Variants in MAN2A1 observed in about 807,000 individuals in gnomAD.
The protein encoded by MAN2A1 is mannosidase alpha class 2A member 1.
A neutral mutation model predicts 142.6 loss-of-function variants in MAN2A1; 76 were observed. The ratio of observed to expected loss-of-function variants is 0.53; its 90% confidence interval spans 0.44 to 0.65. MAN2A1 has a LOEUF of 0.65. Ranked by LOEUF, MAN2A1 falls within the 30% of genes least tolerant of loss-of-function variation. The probability of loss-of-function intolerance (pLI) is 0.00; values close to 1 mark genes in which losing one functional copy is unlikely to be tolerated. For missense variants in MAN2A1, 1,311 were observed against 1,365.1 expected, an observed-to-expected ratio of 0.96 and a Z score of 0.62; for synonymous variants, 559 against 473.2, an observed-to-expected ratio of 1.18 and a Z score of -2.35.
chr5:109,693,002 G>C (rs1184090085), intron 1 of MAN2A1, among the ~76,000 whole-genome samples: 2 of 152,166 alleles, frequency 1.3e-5, no homozygotes, highest in Non-Finnish European at 2.9e-5. Context: ...TTGCTGACCT[G>C]CTATGCCACT....
At chr5:109,743,202 T>TA (rs1752316795) in intron 4 of MAN2A1, among the ~76,000 whole-genome samples, 1 of 152,182 alleles carries the variant, frequency 6.6e-6, no homozygotes, top group Non-Finnish European at 1.5e-5. Flanking sequence ...CTCTTCTGCT[T>TA]ACTTCCCCAA....
At chr5:109,833,504 C>G (rs1318011538) in intron 16 of MAN2A1, among the ~76,000 whole-genome samples, 1 of 152,082 alleles carries the variant, frequency 6.6e-6, no homozygotes, top group Admixed American at 6.5e-5. Context: ...CCCGTCTCCA[C>G]CAAAAAAATC....
chr5:109,868,071 A>AT lies in MAN2A1; in HGVS notation c.*1074dup, dbSNP rs1755928221. ...TCAGAAAACAAAACAAGGAAGGAAA[A>AT]TATTGTTAATTAAAATGTGCTGCTG... On this transcript the variant is annotated 3_prime_UTR_variant, in exon 22 of 22. Coordinates refer to ENST00000261483, the MANE Select transcript of MAN2A1 (RefSeq NM_002372.4). The AT allele has an allele frequency of 6.6e-6, 1 of 152,198 alleles. No individual in the cohort carries two copies. The highest frequency in any genetic ancestry group is 1.5e-5 in the Non-Finnish European group (1 of 68,028). 9.4% of individuals were successfully genotyped at this position (152,198 alleles called of 1,614,324 possible).
chr5:109,714,323 A>G (rs961897219), intron 2 of MAN2A1, among the ~76,000 whole-genome samples: 5 of 152,188 alleles, frequency 3.3e-5, no homozygotes, highest in Admixed American at 6.5e-5. Context: ...CTGTAAGTGT[A>G]ATGTACACAC....
chr5:109,741,919 TCA>T (rs1752279135), intron 4 of MAN2A1, among the ~76,000 whole-genome samples: 1 of 152,250 alleles, frequency 6.6e-6, no homozygotes, highest in Admixed American at 6.5e-5. Flanking sequence ...CATTAAATAA[TCA>T]GTGTATTGTT....
intron 16 of MAN2A1, among the ~76,000 whole-genome samples, chr5:109,838,260 A>G (rs1006600060): frequency 1.3e-5 from 2 of 152,104 alleles, no homozygotes; most frequent in African/African-American, 2.4e-5. Flanking sequence ...CAAGGGGGAG[A>G]GAATTAGCAG....
chr5:109,842,453 G>A lies in MAN2A1; in HGVS notation c.2692G>A (p.Gly898Arg). Reference protein sequence around the residue: ...SQNRFYTDLNGYQIQPRMTLS... With the variant: ...SQNRFYTDLNRYQIQPRMTLS... ...AAATAGATTTTATACTGACCTAAAT[G>A]GGTACCAGGTAATTTTTCCTTTAAA... Residue 898 changes from glycine to arginine, a missense_variant, in exon 17 of 22, where the codon GGG becomes AGG. By Grantham distance (125) the Gly-to-Arg change is moderately radical. Coordinates refer to ENST00000261483, the MANE Select transcript of MAN2A1 (RefSeq NM_002372.4). 1 of 1,551,276 alleles carries A rather than the reference G, an allele frequency of 6.4e-7. No homozygotes were observed. Among genetic ancestry groups the A allele is most frequent in the Non-Finnish European group, 8.8e-7 (1 of 1,136,998 alleles).
intron 4 of MAN2A1, among the ~76,000 whole-genome samples, chr5:109,746,486 G>A (rs566020657): frequency 7.3e-5 from 11 of 151,694 alleles, no homozygotes; most frequent in African/African-American, 2.7e-4. Context: ...TTTATTTTAT[G>A]GATGTATGGG....
chr5:109,708,705 G>T (rs1751211324), intron 1 of MAN2A1, among the ~76,000 whole-genome samples: 1 of 152,170 alleles, frequency 6.6e-6, no homozygotes, highest in Non-Finnish European at 1.5e-5. Flanking sequence ...CAATAGTGGA[G>T]CTCAGTCCAA....
At chr5:109,842,920 C>T (rs534362322) in intron 17 of MAN2A1, among the ~76,000 whole-genome samples, 1 of 150,962 alleles carries the variant, frequency 6.6e-6, no homozygotes, top group African/African-American at 2.4e-5. Flanking sequence ...ACTCTCCTGC[C>T]TCAGCCTCCC....
intron 1 of MAN2A1, among the ~76,000 whole-genome samples, chr5:109,692,488 G>A (rs1750699007): frequency 6.6e-6 from 1 of 152,180 alleles, no homozygotes; most frequent in African/African-American, 2.4e-5. Context: ...CGTTATGTGT[G>A]TGACATTAGC....
At chr5:109,702,423 C>T (rs1561467622) in intron 1 of MAN2A1, among the ~76,000 whole-genome samples, 1 of 151,154 alleles carries the variant, frequency 6.6e-6, no homozygotes, top group Non-Finnish European at 1.5e-5. Flanking sequence ...GATCAAAATG[C>T]AACACCCCAA....
chr5:109,729,907 C>T (rs62377057), intron 4 of MAN2A1, among the ~76,000 whole-genome samples: 6,139 of 152,150 alleles, frequency 0.04, 184 homozygotes, highest in Middle Eastern at 0.092. Flanking sequence ...CACGACAATG[C>T]TTGGACCCAG....
At chr5:109,704,525 C>G (rs1751076505) in intron 1 of MAN2A1, among the ~76,000 whole-genome samples, 1 of 152,058 alleles carries the variant, frequency 6.6e-6, no homozygotes. Flanking sequence ...GAGATACATA[C>G]AGAATCGTGG....
chr5:109,780,057 T>A (rs951481572), intron 8 of MAN2A1, among the ~76,000 whole-genome samples: 1 of 151,424 alleles, frequency 6.6e-6, no homozygotes, highest in Non-Finnish European at 1.5e-5. Flanking sequence ...TGGTTGTAAG[T>A]TTTTTTTTGT....
chr5:109,772,116 C>G (rs565183946), intron 7 of MAN2A1, among the ~76,000 whole-genome samples: 4 of 152,078 alleles, frequency 2.6e-5, no homozygotes, highest in African/African-American at 9.7e-5. Flanking sequence ...ACTTCTTGGC[C>G]GGGCGCAGTG....
intron 16 of MAN2A1, among the ~76,000 whole-genome samples, chr5:109,833,751 G>A (rs1320038547): frequency 6.6e-6 from 1 of 152,256 alleles, no homozygotes; most frequent in South Asian, 2.1e-4. Context: ...ATATCATTCA[G>A]TACTTTGAAC....
chr5:109,789,583 T>A, intron 12 of MAN2A1, 56 bp downstream of exon 12: 1 of 1,263,692 alleles, frequency 7.9e-7, no homozygotes, highest in Non-Finnish European at 1.1e-6. Context: ...TAGTTTTTGG[T>A]TTTATGGTTC....
chr5:109,728,119 T>C lies in MAN2A1; in HGVS notation c.536-1223T>C, dbSNP rs150630501. Among the ~76,000 whole-genome samples the C allele has an allele frequency of 8.8e-3, 1,336 of 152,262 alleles. 21 individuals carry two copies. Among genetic ancestry groups the C allele is most frequent in the African/African-American group, 0.03 (1,264 of 41,540 alleles). ...CACATTGTAGGTGCTCAGTAAATAA[T>C]TGTAGGATGGATGAGTAGATTTCAA... On this transcript the variant is annotated intron_variant, in intron 3 of 21. Transcript: ENST00000261483.
Sources: allele counts gnomAD v4.1 joint callset (sites outside exome capture counted in the v4.1 genomes callset), GRCh38; gene constraint gnomAD v4.1.1; transcripts MANE v1.5; gene names NCBI Gene and HGNC (gene_info 2026-07-23, HGNC 2026-07-21).